Variants in CACNA2D3 observed in about 807,000 individuals in gnomAD.
CACNA2D3 encodes voltage-dependent calcium channel subunit alpha-2/delta-3.
A neutral mutation model predicts 160.6 loss-of-function variants in CACNA2D3; 60 were observed. That is an observed-to-expected ratio of 0.37 (90% confidence interval 0.30 to 0.46). The LOEUF (loss-of-function observed/expected upper bound fraction) is 0.46. CACNA2D3 is among the 20% of genes least tolerant of loss of function. The pLI is 1.00. For synonymous variants in CACNA2D3, 558 were observed against 492.9 expected (o/e 1.13, Z -1.75); for missense variants, 1,205 against 1,365.0 (o/e 0.88, Z 1.85).
intron 25 of CACNA2D3, among the ~76,000 whole-genome samples, chr3:54,891,995 G>T (rs1271270605): frequency 6.6e-6 from 1 of 152,180 alleles, no homozygotes. Flanking sequence ...CTTCCAAAGA[G>T]ACGTGGATAG....
chr3:54,464,797 G>A (rs150383931), intron 4 of CACNA2D3, among the ~76,000 whole-genome samples: 3 of 152,332 alleles, frequency 2.0e-5, no homozygotes, highest in African/African-American at 7.2e-5. Flanking sequence ...TGCGCCCACT[G>A]TCTGGCACTC....
At chr3:54,126,631 GA>G (rs900276505) in intron 2 of CACNA2D3, among the ~76,000 whole-genome samples, 26 of 152,258 alleles carry the variant, frequency 1.7e-4, no homozygotes, top group African/African-American at 5.8e-4. Context: ...CATCTTTTAG[GA>G]AATTTGTCTG....
chr3:54,941,978 AT>A (rs1277626735), intron 27 of CACNA2D3, among the ~76,000 whole-genome samples: 1 of 152,220 alleles, frequency 6.6e-6, no homozygotes, highest in Non-Finnish European at 1.5e-5. Context: ...TACTTGATTT[AT>A]TTGAAAATCA....
intron 31 of CACNA2D3, among the ~76,000 whole-genome samples, chr3:54,990,933 A>C (rs1473392655): frequency 6.6e-6 from 1 of 152,114 alleles, no homozygotes; most frequent in Non-Finnish European, 1.5e-5. Context: ...AAAATTGACC[A>C]CTCTTGGGCA....
intron 27 of CACNA2D3, among the ~76,000 whole-genome samples, chr3:54,913,649 G>A (rs1700603982): frequency 1.3e-5 from 2 of 152,222 alleles, no homozygotes; most frequent in South Asian, 4.1e-4. Flanking sequence ...CCTACTGGTT[G>A]GTGGTTGGGT....
At chr3:54,682,061 G>T (rs975752672) in intron 11 of CACNA2D3, among the ~76,000 whole-genome samples, 9 of 151,810 alleles carry the variant, frequency 5.9e-5, no homozygotes, top group Non-Finnish European at 1.2e-4. Flanking sequence ...AATATGGGGG[G>T]GATTTGGAAT....
At chr3:54,179,862 G>C (rs1418067050) in intron 2 of CACNA2D3, among the ~76,000 whole-genome samples, 1 of 152,116 alleles carries the variant, frequency 6.6e-6, no homozygotes. Flanking sequence ...GAACTGAGAC[G>C]TGTATGTCTG....
rs548883912 is a variant in CACNA2D3 at position 54,879,262 on chromosome 3, A to G, written c.1783-88A>G. 2.2e-4 allele frequency: 225 copies of G among 1,020,474 alleles called. 3 individuals are homozygous for G. In the South Asian group the frequency reaches 3.2e-3, roughly 14 times the overall value. The allele number at this position is 1,020,474 out of a possible 1,614,324, so 63.2% of individuals were successfully genotyped here. On this transcript the variant is annotated intron_variant, in intron 19 of 37. Coordinates refer to ENST00000474759, the MANE Select transcript of CACNA2D3 (RefSeq NM_018398.3). ...CTGTTAACCTGATCATAGTGTGTCC[A>G]TTTATTTTTATTTATTTCTGAAGAC...
intron 35 of CACNA2D3, among the ~76,000 whole-genome samples, chr3:55,071,173 G>A (rs358069): frequency 0.7 from 106,341 of 151,894 alleles, 37,752 homozygotes; most frequent in Non-Finnish European, 0.76. Flanking sequence ...ACCTGAACCT[G>A]TTTCTTTTTT....
At chr3:54,455,410 A>G (rs969508118) in intron 4 of CACNA2D3, among the ~76,000 whole-genome samples, 21 of 152,038 alleles carry the variant, frequency 1.4e-4, no homozygotes, top group Non-Finnish European at 1.9e-4. Flanking sequence ...CACTCAGATC[A>G]TTTGCCCATT....
chr3:54,266,061 C>G (rs1057449983), intron 2 of CACNA2D3, among the ~76,000 whole-genome samples: 4 of 152,098 alleles, frequency 2.6e-5, no homozygotes, highest in African/African-American at 9.7e-5. Flanking sequence ...TTTATATAAT[C>G]ACATTTAAAA....
rs368530727 is a variant in CACNA2D3, at chr3:54,232,381, G to T, written c.205-88061G>T. Among the ~76,000 whole-genome samples the T allele has an allele frequency of 4.6e-5, 7 of 152,282 alleles. No homozygotes were observed. In the East Asian group the frequency reaches 1.2e-3, roughly 25 times the overall value. ...GGTGGTAGTATTTGTAAGAGTGTGA[G>T]TGTCAGTTGTCACTGCTCTCATGTC... On this transcript the variant is annotated intron_variant, in intron 2 of 37. Transcript: ENST00000474759.
chr3:54,871,229 C>CA (rs59389101), intron 17 of CACNA2D3, among the ~76,000 whole-genome samples: 2 of 146,466 alleles, frequency 1.4e-5, no homozygotes, highest in African/African-American at 2.7e-5. Flanking sequence ...ACACACCCCC[C>CA]ATTCAAGGAG....
rs1431667802 is a variant in CACNA2D3, at chr3:54,235,731, T to C, written c.205-84711T>C. On this transcript the variant is annotated intron_variant, in intron 2 of 37. Transcript: ENST00000474759. Reference sequence around the variant, plus strand: ...AAGTGGTATTAGATTGTAACCCAAATTATAAAATAAATACTCACAATATGT... The same window carrying C: ...AAGTGGTATTAGATTGTAACCCAAACTATAAAATAAATACTCACAATATGT... 2.0e-5 allele frequency among the ~76,000 whole-genome samples: 3 copies of C among 152,316 alleles called. No homozygotes were observed. In the East Asian group the frequency reaches 5.8e-4, roughly 29 times the overall value.
chr3:54,264,313 T>C (rs1478817583), intron 2 of CACNA2D3, among the ~76,000 whole-genome samples: 6 of 152,196 alleles, frequency 3.9e-5, no homozygotes, highest in Non-Finnish European at 8.8e-5. Flanking sequence ...GGTTCTCTTA[T>C]ATTGAATGTG....
chr3:54,377,043 C>A (rs1575422654), intron 3 of CACNA2D3, among the ~76,000 whole-genome samples: 2 of 152,166 alleles, frequency 1.3e-5, no homozygotes, highest in African/African-American at 4.8e-5. Flanking sequence ...CTTCCCTGGC[C>A]ATAGTTGGGG....
chr3:54,283,449 T>A (rs1165801909), intron 2 of CACNA2D3, among the ~76,000 whole-genome samples: 1 of 152,218 alleles, frequency 6.6e-6, no homozygotes, highest in Non-Finnish European at 1.5e-5. Flanking sequence ...GTATTAAACA[T>A]GAGAACAAGA....
chr3:54,709,745 C>T (rs993720759), intron 11 of CACNA2D3, among the ~76,000 whole-genome samples: 4 of 152,048 alleles, frequency 2.6e-5, no homozygotes, highest in East Asian at 1.9e-4. Context: ...GGTAGCATAG[C>T]GAGACCCTAT....
chr3:54,882,896 C>T lies in CACNA2D3; in HGVS notation c.1912+2033C>T, dbSNP rs1218018431. 2.6e-5 allele frequency among the ~76,000 whole-genome samples: 4 copies of T among 152,126 alleles called. No individual in the cohort carries two copies. In the South Asian group the frequency reaches 6.2e-4, roughly 24 times the overall value. ...TTGCCAGTGCCAGAGATTACAAAGG[C>T]GGCAAATAGGTAGCTTTTGCTAAAA... On this transcript the variant is annotated intron_variant, in intron 21 of 37. Transcript: ENST00000474759.
Sources: gnomAD v4.1 joint callset for allele counts (sites outside exome capture counted in the v4.1 genomes callset) on GRCh38, gnomAD v4.1.1 for gene constraint, MANE v1.5 for transcripts, NCBI Gene and HGNC (gene_info 2026-07-23, HGNC 2026-07-21) for gene names.